Variants in SUPT16H observed in about 807,000 individuals in gnomAD.
The protein encoded by SUPT16H is FACT complex subunit SPT16.
Under a neutral mutation model 136.2 loss-of-function variants are expected in SUPT16H, and 24 were observed. That is an observed-to-expected ratio of 0.18 (90% CI 0.13 to 0.25). The LOEUF (loss-of-function observed/expected upper bound fraction) is 0.25, where lower values mean the gene tolerates loss of function less well. SUPT16H is among the 10% of genes least tolerant of loss of function. The pLI is 1.00. For missense variants in SUPT16H, 623 were observed against 1,270.2 expected (o/e 0.49, Z 7.74); for synonymous variants, 415 against 428.2 (o/e 0.97, Z 0.38).
Position 21,369,732 on chromosome 14 carries a change from C to T in SUPT16H, c.630+18G>A. On this transcript the variant is annotated intron_variant, in intron 5 of 25. Transcript: ENST00000216297. ...TGCTTCATTAAAACAGTAAAAAGAC[C>T]CTCTCATCTCCATTTACCTCATCTG... The T allele has an allele frequency of 6.2e-7, 1 of 1,613,256 alleles. No homozygotes were observed. Among genetic ancestry groups the T allele is most frequent in the South Asian group, 1.1e-5 (1 of 91,028 alleles).
At chr14:21,363,532 T>TA (rs763969810) in intron 10 of SUPT16H, 29 bp from the exon 11 acceptor site, 2 of 1,601,172 alleles carry the variant, frequency 1.2e-6, no homozygotes, top group South Asian at 2.2e-5. Context: ...TGAAGACACA[T>TA]TATTTAAAAG....
chr14:21,365,540 C>G (rs1177684416), intron 8 of SUPT16H, among the ~76,000 whole-genome samples: 1 of 152,048 alleles, frequency 6.6e-6, no homozygotes, highest in Non-Finnish European at 1.5e-5. Flanking sequence ...AAACCAGATT[C>G]GTAAGACTTG....
chr14:21,355,428 G>A (rs533145879), intron 22 of SUPT16H, among the ~76,000 whole-genome samples: 3 of 151,218 alleles, frequency 2.0e-5, no homozygotes, highest in South Asian at 4.2e-4. Flanking sequence ...GGGAGGTGGA[G>A]GTTGCAGTGA....
chr14:21,383,985 C>CT lies in SUPT16H; in HGVS notation c.-59_-58insA. 1 of 1,601,926 alleles carries CT rather than the reference C, an allele frequency of 6.2e-7. No individual in the cohort carries two copies. Among genetic ancestry groups the CT allele is most frequent in the Non-Finnish European group, 8.5e-7 (1 of 1,170,662 alleles). On this transcript the variant is annotated 5_prime_UTR_variant, in exon 1 of 26. Transcript: ENST00000216297. ...GAATCACGCGAGGTCCCGGCTCAGC[C>CT]ACCCGCTCTCGGCCCAGGAATCCCG...
At chr14:21,354,683 C>G in intron 22 of SUPT16H, 143 bp from the exon 23 acceptor site, 1 of 983,050 alleles carries the variant, frequency 1.0e-6, no homozygotes, top group Non-Finnish European at 1.4e-6. Context: ...CCTCTGCCTC[C>G]TAGGTTCAAG....
At position 21,352,776 on chromosome 14, in the gene SUPT16H, C is replaced by T. The variant is rs1239510187; in HGVS notation, c.3041G>A (p.Arg1014Gln). Reference sequence around the variant, plus strand: ...TGCCTTCCTCTTCCGGCTCATACTTCGACTTTGTTCTTCTTCTTCCTCGTA... The same window carrying T: ...TGCCTTCCTCTTCCGGCTCATACTTTGACTTTGTTCTTCTTCTTCCTCGTA... ...SRYEEEEEQS[R>Q]SMSRKRKASV... The change falls in exon 26 of 26, where the codon CGA becomes CAA. Residue 1014 changes from arginine (R) to glutamine (Q), a missense_variant. Physicochemically the swap from Arg to Gln is conservative, Grantham distance 43 (BLOSUM62 1). Transcript: ENST00000216297. 1 of 1,613,930 alleles carries T rather than the reference C, an allele frequency of 6.2e-7. No homozygotes were observed. The highest frequency in any genetic ancestry group is 8.5e-7 in the Non-Finnish European group (1 of 1,179,976).
intron 19 of SUPT16H, among the ~76,000 whole-genome samples, chr14:21,359,085 G>A (rs969876208): frequency 7.9e-5 from 12 of 151,138 alleles, no homozygotes; most frequent in Admixed American, 1.3e-4. Context: ...GATTATAGGC[G>A]TGAGCCACTG....
Position 21,364,824 on chromosome 14 carries a change from C to G in SUPT16H, c.1233+3G>C, listed in dbSNP as rs371531508. The stretch of plus-strand genomic sequence containing the variant: ...GACTCCAAAGTTTAGACACAATACA[C>G]ACCTCATCCACAAGCACTGTGTCAC... On this transcript the variant is annotated splice_donor_region_variant and intron_variant, in intron 10 of 25. Transcript: ENST00000216297. 22 of 1,611,258 alleles carry G rather than the reference C, an allele frequency of 1.4e-5. No homozygotes were observed. In the African/African-American group the frequency reaches 2.5e-4, roughly 19 times the overall value.
intron 8 of SUPT16H, among the ~76,000 whole-genome samples, chr14:21,366,190 T>C (rs1886662316): frequency 1.3e-5 from 2 of 152,172 alleles, no homozygotes; most frequent in Admixed American, 6.5e-5. Context: ...TTTCCTAACA[T>C]CTGTAATTAT....
chr14:21,358,847 GCC>G (rs1886489037), intron 19 of SUPT16H, among the ~76,000 whole-genome samples: 1 of 152,106 alleles, frequency 6.6e-6, no homozygotes, highest in Non-Finnish European at 1.5e-5. Context: ...CTTGCTAGTC[GCC>G]CAGGCTGGAG....
chr14:21,381,141 G>GTTGATTTTT (rs1887014063), intron 1 of SUPT16H, among the ~76,000 whole-genome samples: 1 of 151,986 alleles, frequency 6.6e-6, no homozygotes, highest in Non-Finnish European at 1.5e-5. Flanking sequence ...AAGGTCTCCT[G>GTTGATTTTT]TTGATTTTTG....
rs1886316516 is a variant in SUPT16H, at chr14:21,351,991, C to G, written c.*682G>C. On this transcript the variant is annotated 3_prime_UTR_variant, in exon 26 of 26. Coordinates refer to ENST00000216297, the MANE Select transcript of SUPT16H (RefSeq NM_007192.4). ...AAGAAGACAGTGGCAATTTTGCCTTCTATCATTGTACCATGTGTGCATTGT... is the reference window on the plus strand; with the variant it reads ...AAGAAGACAGTGGCAATTTTGCCTTGTATCATTGTACCATGTGTGCATTGT... 1 of 152,456 alleles carries G rather than the reference C, an allele frequency of 6.6e-6. No individual in the cohort carries two copies. The allele number at this position is 152,456 out of a possible 1,614,324, so 9.4% of individuals were successfully genotyped here. A position where few individuals can be genotyped will look rare whatever the true frequency, so the allele number is the denominator to read the frequency against.
intron 3 of SUPT16H, among the ~76,000 whole-genome samples, chr14:21,370,709 G>A (rs1886767972): frequency 6.6e-6 from 1 of 152,050 alleles, no homozygotes; most frequent in African/African-American, 2.4e-5. Flanking sequence ...GAACTCCCAA[G>A]TTCAAGCAAT....
chr14:21,364,186 T>C (rs1233998186), intron 10 of SUPT16H, among the ~76,000 whole-genome samples: 1 of 151,242 alleles, frequency 6.6e-6, no homozygotes, highest in Non-Finnish European at 1.5e-5. Flanking sequence ...TAGCTTATGA[T>C]AAAAACACTG....
chr14:21,377,227 A>C (rs1305496884), intron 1 of SUPT16H, among the ~76,000 whole-genome samples: 1 of 152,252 alleles, frequency 6.6e-6, no homozygotes, highest in Non-Finnish European at 1.5e-5. Context: ...GGACTGAAGA[A>C]TATGAGCTTG....
chr14:21,378,414 T>C (rs1289940594), intron 1 of SUPT16H, among the ~76,000 whole-genome samples: 4 of 152,170 alleles, frequency 2.6e-5, no homozygotes, highest in Non-Finnish European at 1.5e-5. Context: ...AACATCTATA[T>C]GAACATAAAC....
intron 2 of SUPT16H, chr14:21,372,373 G>A (rs1231848582): frequency 1.3e-5 from 4 of 308,768 alleles, no homozygotes; most frequent in Middle Eastern, 1.1e-3. Context: ...CATAAAACAA[G>A]GGACAGAGTG....
At position 21,369,711 on chromosome 14, in the gene SUPT16H, T is replaced by C. The variant is rs369318434; in HGVS notation, c.630+39A>G. On this transcript the variant is annotated intron_variant, in intron 5 of 25. Coordinates refer to ENST00000216297, the MANE Select transcript of SUPT16H (RefSeq NM_007192.4). ...TTTGCATGGTAGACTTATTACTGCT[T>C]CATTAAAACAGTAAAAAGACCCTCT... The C allele has an allele frequency of 2.1e-5, 34 of 1,610,804 alleles. 1 individual carries two copies. In the East Asian group the frequency reaches 3.6e-4, roughly 17 times the overall value.
In SUPT16H at chr14:21,373,426, C is replaced by G. The variant is rs1425573358; in HGVS notation, c.71G>C (p.Gly24Ala). ...ATCAACGTTGGCATACTCATCTTCTCCTTTCTGAAAAGAGTGGGTAATCAT... is the reference window on the plus strand; with the variant it reads ...ATCAACGTTGGCATACTCATCTTCTGCTTTCTGAAAAGAGTGGGTAATCAT... Reference protein sequence around the residue: ...VKRLYSNWRKGEDEYANVDAI... With the variant: ...VKRLYSNWRKAEDEYANVDAI... The change falls in exon 2 of 26, where the codon GGA (glycine) becomes GCA (alanine). Residue 24 changes from glycine (G) to alanine (A), a missense_variant. By Grantham distance (60) the Gly-to-Ala change is moderately conservative. Transcript: ENST00000216297. The G allele has an allele frequency of 6.2e-7, 1 of 1,613,128 alleles. No homozygotes were observed. The highest frequency in any genetic ancestry group is 1.7e-5 in the Admixed American group (1 of 60,008).
Sources: allele counts gnomAD v4.1 joint callset (sites outside exome capture counted in the v4.1 genomes callset), GRCh38; gene constraint gnomAD v4.1.1; transcripts MANE v1.5; gene names NCBI Gene and HGNC (gene_info 2026-07-23, HGNC 2026-07-21).